Variants in DICER1 observed in about 807,000 individuals in gnomAD.
DICER1 encodes the protein endoribonuclease Dicer.
Under a neutral mutation model 194.1 loss-of-function variants are expected in DICER1, and 43 were observed. The observed-to-expected ratio is 0.22, with a 90% CI of 0.17 to 0.29. The LOEUF (loss-of-function observed/expected upper bound fraction) is 0.29, where lower values mean the gene tolerates loss of function less well. Among genes scored for constraint, DICER1 ranks in the 10% least tolerant of loss-of-function variants. The probability of loss-of-function intolerance (pLI) is 1.00; values close to 1 mark genes in which losing one functional copy is unlikely to be tolerated. For synonymous variants in DICER1, 832 were observed against 820.5 expected (o/e 1.01, Z -0.24); for missense variants, 1,608 against 2,317.0 (o/e 0.69, Z 6.28).
rs561780694 is a variant in DICER1, at chr14:95,122,233, A to G, written c.1376+1963T>C. Among the ~76,000 whole-genome samples the G allele has an allele frequency of 3.1e-4, 47 of 152,326 alleles. 1 individual carries two copies. In the South Asian group the frequency reaches 9.7e-3, roughly 32 times the overall value. On this transcript the variant is annotated intron_variant, in intron 8 of 26. Transcript: ENST00000343455. Reference sequence around the variant, plus strand: ...GATTCTGGATAAACCTTTTCAGGCTAATATTCCTGCAATAAAAACTGGCAC... The same window carrying G: ...GATTCTGGATAAACCTTTTCAGGCTGATATTCCTGCAATAAAAACTGGCAC...
chr14:95,145,545 G>C (rs1705391745), intron 1 of DICER1, among the ~76,000 whole-genome samples: 1 of 151,248 alleles, frequency 6.6e-6, no homozygotes, highest in African/African-American at 2.4e-5. Flanking sequence ...ATATAAAAAA[G>C]AAATCAAAAG....
rs776119598 is a variant in DICER1, at chr14:95,122,934, ACGCGCG to A, written c.1376+1256_1376+1261del. On this transcript the variant is annotated intron_variant, in intron 8 of 26. Transcript: ENST00000343455. The stretch of plus-strand genomic sequence containing the variant: ...GTTAAGCGCGTGTGCGCGTGCGTGT[ACGCGCG>A]CGCGCGCGCACACACACACAAAGAA... 7.8e-3 allele frequency among the ~76,000 whole-genome samples: 1,144 copies of A among 146,572 alleles called. 14 individuals carry two copies. The highest frequency in any genetic ancestry group is 0.029 in the African/African-American group (1,105 of 38,722).
At chr14:95,098,923 T>C (rs763774311) in intron 22 of DICER1, among the ~76,000 whole-genome samples, 20 of 152,292 alleles carry the variant, frequency 1.3e-4, no homozygotes, top group Admixed American at 9.8e-4. Context: ...AAGGCAGATA[T>C]ATAGGATACA....
intron 1 of DICER1, 126 bp from the exon 2 acceptor site, chr14:95,133,629 T>A: frequency 1.3e-6 from 1 of 749,038 alleles, no homozygotes; most frequent in Non-Finnish European, 2.2e-6. Flanking sequence ...ATAATTGTTT[T>A]AGCTTTTTCT....
intron 14 of DICER1, 160 bp downstream of exon 14, chr14:95,111,157 G>T: frequency 1.3e-6 from 1 of 796,718 alleles, no homozygotes; most frequent in Non-Finnish European, 2.2e-6. Flanking sequence ...GAAAGAGGCT[G>T]ATCTGAGAGA....
In DICER1 at chr14:95,094,068, G is replaced by T. The variant is rs202004554; in HGVS notation, c.5184C>A (p.Ser1728=). ...KHLYEDPRQH[S]PGVLTDLRSA... Reference sequence around the variant, plus strand: ...ACCGCAGGTCTGTCAGGACCCCCGGGGAGTGCTGCCGCGGGTCTTCATAAA... The same window carrying T: ...ACCGCAGGTCTGTCAGGACCCCCGGTGAGTGCTGCCGCGGGTCTTCATAAA... Residue 1728 remains serine, a synonymous_variant, in exon 24 of 27, where the codon TCC becomes TCA. Coordinates refer to ENST00000343455, the MANE Select transcript of DICER1 (RefSeq NM_177438.3). The T allele has an allele frequency of 1.9e-6, 3 of 1,614,098 alleles. No homozygotes were observed. Among genetic ancestry groups the T allele is most frequent in the Non-Finnish European group, 2.5e-6 (3 of 1,180,006 alleles).
At chr14:95,117,934 G>C (rs1892627313) in intron 8 of DICER1, among the ~76,000 whole-genome samples, 180 bp from the exon 9 acceptor site, 1 of 152,082 alleles carries the variant, frequency 6.6e-6, no homozygotes, top group Non-Finnish European at 1.5e-5. Flanking sequence ...TCACCACATA[G>C]ATCTGTGGAC....
chr14:95,095,523 G>A (rs1043791523), intron 23 of DICER1: 10 of 398,804 alleles, frequency 2.5e-5, no homozygotes, highest in Non-Finnish European at 4.2e-5. Flanking sequence ...ATTTGCGGAG[G>A]ATAAAATGGG....
intron 6 of DICER1, among the ~76,000 whole-genome samples, chr14:95,128,644 A>G (rs958349548): frequency 5.3e-5 from 8 of 152,322 alleles, no homozygotes; most frequent in African/African-American, 1.9e-4. Context: ...AACCACTGTC[A>G]ATGCCATTTT....
intron 11 of DICER1, 119 bp from the exon 12 acceptor site, chr14:95,113,343 G>T: frequency 9.8e-7 from 1 of 1,016,204 alleles, no homozygotes; most frequent in Non-Finnish European, 1.5e-6. Flanking sequence ...ATTTATATGT[G>T]GCATTTAAAC....
intron 1 of DICER1, among the ~76,000 whole-genome samples, chr14:95,152,548 T>C (rs895881096): frequency 6.6e-6 from 1 of 152,180 alleles, no homozygotes; most frequent in Non-Finnish European, 1.5e-5. Flanking sequence ...ACCAAGAACA[T>C]GTAATGCTGT....
At position 95,116,445 on chromosome 14, in the gene DICER1, G is replaced by A; in HGVS notation, c.1752+8C>T. The A allele has an allele frequency of 6.2e-7, 1 of 1,609,562 alleles. No individual in the cohort carries two copies. On this transcript the variant is annotated splice_region_variant and intron_variant, in intron 10 of 26. Transcript: ENST00000343455. ...ATCTGCCGGCACATGTTAATATGTTGATCTTACCTTTTCAATAGCTTTGTA... is the reference window on the plus strand; with the variant it reads ...ATCTGCCGGCACATGTTAATATGTTAATCTTACCTTTTCAATAGCTTTGTA...
chr14:95,149,842 T>C (rs558601363), intron 1 of DICER1, among the ~76,000 whole-genome samples: 2 of 142,326 alleles, frequency 1.4e-5, no homozygotes, highest in Admixed American at 1.3e-4. Flanking sequence ...TAGACACTTT[T>C]AAATTAAAAG....
chr14:95,133,199 A>AT, intron 2 of DICER1, 116 bp downstream of exon 2: 1 of 1,010,616 alleles, frequency 9.9e-7, no homozygotes, highest in South Asian at 1.4e-5. Context: ...TGAGAAAATT[A>AT]ATCAGAAGTG....
rs780488568 is a variant in DICER1, at chr14:95,099,913, C to T, written c.4073G>A (p.Arg1358His). 9.3e-6 allele frequency: 15 copies of T among 1,613,760 alleles called. No homozygotes were observed. The highest frequency in any genetic ancestry group is 2.2e-5 in the East Asian group (1 of 44,870). Residue 1358 changes from arginine (R) to histidine (H), a missense_variant, in exon 22 of 27, where the codon CGC becomes CAC. Physicochemically the swap from Arg to His is conservative, Grantham distance 29 (BLOSUM62 0). This residue lies in a region of DICER1 where 58 missense variants were observed against 125.7 expected (regional missense o/e 0.46). Coordinates refer to ENST00000343455, the MANE Select transcript of DICER1 (RefSeq NM_177438.3). ...GGGTAGTCCCTTCTTTTTTCCAAGG[C>T]GATACAGATTACAGTTGCTGACCTT... ...SKKVSNCNLY[R>H]LGKKKGLPSR...
rs906567014 is a variant in DICER1 at position 95,089,287 on chromosome 14, C to T, written c.*1211G>A. 2 of 230,026 alleles carry T rather than the reference C, an allele frequency of 8.7e-6. No homozygotes were observed. The highest frequency in any genetic ancestry group is 4.4e-5 in the African/African-American group (2 of 44,974). The allele number at this position is 230,026 out of a possible 1,614,324, so 14.2% of individuals were successfully genotyped here. A position where few individuals can be genotyped will look rare whatever the true frequency, so the allele number is the denominator to read the frequency against. Reference sequence around the variant, plus strand: ...CTAAATCACAGATGTATCAAAATTACGGCAGTTTATCGCAAACGTTAAACT... The same window carrying T: ...CTAAATCACAGATGTATCAAAATTATGGCAGTTTATCGCAAACGTTAAACT... On this transcript the variant is annotated 3_prime_UTR_variant, in exon 27 of 27. Coordinates refer to ENST00000343455, the MANE Select transcript of DICER1 (RefSeq NM_177438.3).
Position 95,090,642 on chromosome 14 carries a change from G to A in DICER1, c.5625C>T (p.Asp1875=), listed in dbSNP as rs781156066. The A allele has an allele frequency of 1.1e-5, 18 of 1,613,974 alleles. No homozygotes were observed. The highest frequency in any genetic ancestry group is 5.0e-5 in the Admixed American group (3 of 60,010). The change falls in exon 27 of 27, where the codon GAC becomes GAT. Residue 1875 remains aspartate (D), a synonymous_variant. Coordinates refer to ENST00000343455, the MANE Select transcript of DICER1 (RefSeq NM_177438.3). ...AKFSPAERTY[D]GKVRVTVEVV... Reference sequence around the variant, plus strand: ...CTTCCACAGTGACTCTGACCTTCCCGTCGTAAGTTCTCTCAGCCGGGCTGT... The same window carrying A: ...CTTCCACAGTGACTCTGACCTTCCCATCGTAAGTTCTCTCAGCCGGGCTGT...
chr14:95,148,656 A>G (rs1895300453), intron 1 of DICER1, among the ~76,000 whole-genome samples: 2 of 152,230 alleles, frequency 1.3e-5, no homozygotes, highest in Non-Finnish European at 2.9e-5. Flanking sequence ...CACAGGTCAA[A>G]TACCATCTTA....
chr14:95,104,036 A>G lies in DICER1; in HGVS notation c.3360T>C (p.Asn1120=), dbSNP rs1595367570. 8 of 1,614,028 alleles carry G rather than the reference A, an allele frequency of 5.0e-6. No individual in the cohort carries two copies. The Admixed American group carries it at 1.3e-4, about 27-fold the overall frequency. ...ISNSSSAEND[N]YCKHSTIVPE... ...GGACAATTGTGCTGTGCTTACAGTA[A>G]TTATCATTTTCAGCTGAAGAGGAGT... The change falls in exon 21 of 27, where the codon AAT becomes AAC. Residue 1120 remains asparagine, a synonymous_variant. Transcript: ENST00000343455.
Sources: allele counts gnomAD v4.1 joint callset (sites outside exome capture counted in the v4.1 genomes callset), GRCh38; gene constraint gnomAD v4.1.1; regional missense constraint gnomAD v4.1.1; transcripts MANE v1.5; gene names NCBI Gene and HGNC (gene_info 2026-07-23, HGNC 2026-07-21).